Variants in SUFU observed in about 807,000 individuals in gnomAD.
SUFU encodes suppressor of fused homolog.
Under a neutral mutation model 58.9 loss-of-function variants are expected in SUFU, and 7 were observed. The ratio of observed to expected loss-of-function variants is 0.12; its 90% CI spans 0.07 to 0.22. SUFU has a LOEUF of 0.22. Ranked by LOEUF, SUFU falls within the 10% of genes least tolerant of loss-of-function variation. SUFU has a pLI of 1.00. For missense variants in SUFU, 451 were observed against 641.3 expected, an observed-to-expected ratio of 0.70 and a Z score of 3.20; for synonymous variants, 232 against 254.8, an observed-to-expected ratio of 0.91 and a Z score of 0.85.
At chr10:102,582,805 G>A (rs2063296406) in intron 3 of SUFU, among the ~76,000 whole-genome samples, 1 of 152,184 alleles carries the variant, frequency 6.6e-6, no homozygotes, top group South Asian at 2.1e-4. Context: ...GCTCCAAGGA[G>A]GGAAGGGAAT....
chr10:102,601,675 T>C (rs2063516367), intron 8 of SUFU, among the ~76,000 whole-genome samples: 2 of 152,242 alleles, frequency 1.3e-5, no homozygotes, highest in African/African-American at 4.8e-5. Flanking sequence ...CAGACTCAAG[T>C]TTCCTGTTAT....
chr10:102,526,134 G>A (rs188052689), intron 2 of SUFU, among the ~76,000 whole-genome samples: 3 of 152,128 alleles, frequency 2.0e-5, no homozygotes, highest in African/African-American at 4.8e-5. Flanking sequence ...GGTTGCCTAA[G>A]GAGGGGTGAC....
chr10:102,512,431 C>T (rs1266021861), intron 2 of SUFU, among the ~76,000 whole-genome samples: 1 of 152,180 alleles, frequency 6.6e-6, no homozygotes, highest in Non-Finnish European at 1.5e-5. Flanking sequence ...AAGGATTCTT[C>T]CAGTCTACCT....
At chr10:102,562,283 G>T (rs1015721862) in intron 3 of SUFU, among the ~76,000 whole-genome samples, 3 of 152,086 alleles carry the variant, frequency 2.0e-5, no homozygotes, top group Admixed American at 2.0e-4. Flanking sequence ...CCAGCACTTT[G>T]GGAGGCCCAG....
intron 8 of SUFU, among the ~76,000 whole-genome samples, chr10:102,604,675 A>G (rs942320960): frequency 7.2e-5 from 11 of 152,200 alleles, no homozygotes; most frequent in Non-Finnish European, 1.5e-4. Flanking sequence ...GAAAAAGGAA[A>G]GCTGGGGTTC....
intron 6 of SUFU, among the ~76,000 whole-genome samples, chr10:102,595,709 T>G (rs2063454216): frequency 6.6e-6 from 1 of 152,210 alleles, no homozygotes; most frequent in Admixed American, 6.5e-5. Flanking sequence ...TCTTTCCTGG[T>G]GGCTCTGTGC....
intron 3 of SUFU, among the ~76,000 whole-genome samples, chr10:102,574,881 C>G (rs899016625): frequency 6.6e-6 from 1 of 152,074 alleles, no homozygotes; most frequent in South Asian, 2.1e-4. Flanking sequence ...ATGGTGAAAC[C>G]CTGTCTGTAC....
In SUFU at chr10:102,572,222, C is replaced by T. The variant is rs567888665; in HGVS notation, c.455-20360C>T. 1.0e-4 allele frequency among the ~76,000 whole-genome samples: 14 copies of T among 140,222 alleles called. No homozygotes were observed. In the Admixed American group the frequency reaches 1.1e-3, roughly 11 times the overall value. The allele number at this position is 140,222 out of a possible 152,430, so 92.0% of individuals were successfully genotyped here. On this transcript the variant is annotated intron_variant, in intron 3 of 11. Transcript: ENST00000369902. ...CTGGGATTACAGGCACCGGCCACCA[C>T]GCCTGGATAATTTTTTTTTTTTTTT... is the stretch of plus-strand genomic sequence containing the variant.
intron 2 of SUFU, among the ~76,000 whole-genome samples, chr10:102,539,995 A>T (rs1344045455): frequency 6.6e-6 from 1 of 152,084 alleles, no homozygotes; most frequent in Non-Finnish European, 1.5e-5. Context: ...TAATGCTCAG[A>T]TTGTTGTTGA....
intron 2 of SUFU, among the ~76,000 whole-genome samples, chr10:102,547,415 A>G (rs767640453): frequency 1.1e-4 from 17 of 152,336 alleles, no homozygotes; most frequent in Admixed American, 7.8e-4. Flanking sequence ...GTGTTGTCCA[A>G]GCATCTTCTG....
chr10:102,588,796 A>G (rs777299275), intron 3 of SUFU, among the ~76,000 whole-genome samples: 1 of 152,136 alleles, frequency 6.6e-6, no homozygotes, highest in African/African-American at 2.4e-5. Context: ...AATTTCTTTC[A>G]ATGATGTTTT....
chr10:102,540,038 C>T (rs754006169), intron 2 of SUFU, among the ~76,000 whole-genome samples: 1 of 152,140 alleles, frequency 6.6e-6, no homozygotes, highest in African/African-American at 2.4e-5. Context: ...TTTGGCTTCT[C>T]TCTACTTTTG....
chr10:102,592,022 C>T (rs929554171), intron 3 of SUFU, among the ~76,000 whole-genome samples: 1 of 152,186 alleles, frequency 6.6e-6, no homozygotes, highest in Non-Finnish European at 1.5e-5. Context: ...CCTCCATTTA[C>T]TTGAAGCCTA....
chr10:102,527,438 C>T (rs1249995960), intron 2 of SUFU, among the ~76,000 whole-genome samples: 2 of 151,624 alleles, frequency 1.3e-5, no homozygotes, highest in African/African-American at 2.4e-5. Flanking sequence ...AGTTGAGTGA[C>T]GGTTTTATTT....
chr10:102,619,320 A>G lies in SUFU; in HGVS notation c.1296+1892A>G. Reference sequence around the variant, plus strand: ...CCCCTCACCTCCCTGGCAGCCCCTCAGCGAGCCTGAGGCCCAGCACCCGCT... The same window carrying G: ...CCCCTCACCTCCCTGGCAGCCCCTCGGCGAGCCTGAGGCCCAGCACCCGCT... On this transcript the variant is annotated intron_variant, in intron 10 of 11. Coordinates refer to ENST00000369902, the MANE Select transcript of SUFU (RefSeq NM_016169.4). The surrounding 1 kb of genome is among the most constrained non-coding windows in gnomAD (Gnocchi z 4.2). The G allele has an allele frequency of 7.0e-7, 1 of 1,431,640 alleles. No homozygotes were observed. The highest frequency in any genetic ancestry group is 9.1e-7 in the Non-Finnish European group (1 of 1,096,156). The allele number at this position is 1,431,640 out of a possible 1,614,324, so 88.7% of individuals were successfully genotyped here. A position where few individuals can be genotyped will look rare whatever the true frequency, so the allele number is the denominator to read the frequency against.
In SUFU at chr10:102,504,007, C is replaced by G; in HGVS notation, c.-146C>G. Reference sequence around the variant, plus strand: ...GCGGCGACAGCCTGGGCGGACAGTGCGCCGTGCGCAGGCGCGGAGCTAGAC... The same window carrying G: ...GCGGCGACAGCCTGGGCGGACAGTGGGCCGTGCGCAGGCGCGGAGCTAGAC... On this transcript the variant is annotated 5_prime_UTR_variant, in exon 1 of 12. Coordinates refer to ENST00000369902, the MANE Select transcript of SUFU (RefSeq NM_016169.4). 1 of 1,164,098 alleles carries G rather than the reference C, an allele frequency of 8.6e-7. No homozygotes were observed. The highest frequency in any genetic ancestry group is 1.1e-6 in the Non-Finnish European group (1 of 879,576). 72.1% of individuals were successfully genotyped at this position (1,164,098 alleles called of 1,614,324 possible).
intron 3 of SUFU, among the ~76,000 whole-genome samples, chr10:102,562,390 GGCACGCACCT>G (rs1382714332): frequency 6.6e-6 from 1 of 152,114 alleles, no homozygotes; most frequent in Non-Finnish European, 1.5e-5. Context: ...TGGGTGTGGT[GGCACGCACCT>G]GTAGTCCCAG....
chr10:102,526,413 C>T (rs1441368492), intron 2 of SUFU, among the ~76,000 whole-genome samples: 3 of 150,950 alleles, frequency 2.0e-5, no homozygotes, highest in East Asian at 4.0e-4. Context: ...ATTAGTCAGG[C>T]ATGGTGGTGC....
At chr10:102,517,789 T>C (rs2135653306) in intron 2 of SUFU, among the ~76,000 whole-genome samples, 1 of 152,314 alleles carries the variant, frequency 6.6e-6, no homozygotes, top group East Asian at 1.9e-4. Flanking sequence ...TCCAACTAAC[T>C]TTGCAGCTTG....
Sources: gnomAD v4.1 joint callset for allele counts (sites outside exome capture counted in the v4.1 genomes callset) on GRCh38, gnomAD v4.1.1 for gene constraint, Gnocchi (gnomAD v3.1) non-coding constraint, MANE v1.5 for transcripts, NCBI Gene and HGNC (gene_info 2026-07-23, HGNC 2026-07-21) for gene names.